Variants in DGKI observed in about 807,000 individuals in gnomAD.
DGKI encodes the protein DAG kinase iota.
A neutral mutation model predicts 147.5 loss-of-function variants in DGKI; 55 were observed. That is an observed-to-expected ratio of 0.37 (90% CI 0.30 to 0.47). The LOEUF (loss-of-function observed/expected upper bound fraction) is 0.47. Ranked by LOEUF, DGKI falls within the 20% of genes least tolerant of loss-of-function variation. DGKI has a pLI of 1.00. For synonymous variants in DGKI, 469 were observed against 477.1 expected, an observed-to-expected ratio of 0.98 and a Z score of 0.22; for missense variants, 1,007 against 1,323.8, an observed-to-expected ratio of 0.76 and a Z score of 3.71.
intron 1 of DGKI, among the ~76,000 whole-genome samples, chr7:137,815,027 C>G (rs1469110105): frequency 6.6e-6 from 1 of 151,302 alleles, no homozygotes; most frequent in African/African-American, 2.4e-5. Context: ...AATAATTACC[C>G]AAAAGATCAG....
chr7:137,391,257 T>C lies in DGKI; in HGVS notation c.3137A>G (p.Lys1046Arg), dbSNP rs2128892155. The part of the protein sequence containing the change: ...AAYLESRQNY[K>R]VIGHEDLETA... ...TTCCAGGTCCTCATGGCCAATGACC[T>C]TATAGTTCTGACGGCTTTCTAGGTA... The change falls in exon 33 of 33, where the codon AAG becomes AGG. Residue 1046 changes from lysine to arginine, a missense_variant. Physicochemically the swap from Lys to Arg is conservative, Grantham distance 26. This residue lies in a region of DGKI where 385 missense variants were observed against 445.2 expected (regional missense o/e 0.86). Coordinates refer to ENST00000614521, the MANE Select transcript of DGKI (RefSeq NM_001321708.2). 7 of 1,613,860 alleles carry C rather than the reference T, an allele frequency of 4.3e-6. No homozygotes were observed. In the East Asian group the frequency reaches 1.6e-4, roughly 36 times the overall value.
intron 20 of DGKI, among the ~76,000 whole-genome samples, chr7:137,548,723 T>G (rs766658672): frequency 6.6e-6 from 1 of 152,186 alleles, no homozygotes; most frequent in Non-Finnish European, 1.5e-5. Flanking sequence ...ATCCCAGCAC[T>G]TTGGGAGGCT....
At chr7:137,410,861 A>T (rs12670144) in intron 29 of DGKI, among the ~76,000 whole-genome samples, 47,148 of 152,124 alleles carry the variant, frequency 0.31, 8,427 homozygotes, top group East Asian at 0.63. Flanking sequence ...AACGGCACTG[A>T]ACTCATCAAT....
At chr7:137,655,898 A>G (rs1042729095) in intron 4 of DGKI, among the ~76,000 whole-genome samples, 14 of 152,200 alleles carry the variant, frequency 9.2e-5, no homozygotes, top group Non-Finnish European at 1.8e-4. Flanking sequence ...CTAAATGACA[A>G]ATAAATGGAC....
intron 1 of DGKI, among the ~76,000 whole-genome samples, chr7:137,816,044 T>G (rs1321039863): frequency 1.3e-5 from 2 of 152,178 alleles, no homozygotes; most frequent in Non-Finnish European, 2.9e-5. Flanking sequence ...AATGAGAGAA[T>G]CCTTTTCATG....
Position 137,587,229 on chromosome 7 carries a change from C to A in DGKI, c.1312-19G>T, listed in dbSNP as rs760733801. The A allele has an allele frequency of 4.5e-6, 7 of 1,569,936 alleles. No individual in the cohort carries two copies. In the South Asian group the frequency reaches 8.1e-5, roughly 18 times the overall value. ...AGCCCACCTACAGGCGTATCGGGGG[C>A]CAGAAGAGATATAAGAAAGATAAAT... On this transcript the variant is annotated intron_variant, in intron 12 of 32. Transcript: ENST00000614521.
chr7:137,625,676 T>C (rs1028978107), intron 6 of DGKI, among the ~76,000 whole-genome samples: 1 of 151,076 alleles, frequency 6.6e-6, no homozygotes, highest in African/African-American at 2.4e-5. Context: ...GGTAGGCAGA[T>C]TGCTTGAGCC....
chr7:137,545,029 T>C (rs1817820230), intron 20 of DGKI, among the ~76,000 whole-genome samples: 1 of 152,176 alleles, frequency 6.6e-6, no homozygotes, highest in Non-Finnish European at 1.5e-5. Context: ...CTATGAATTG[T>C]TAAAAACATG....
At chr7:137,420,279 G>T (rs112577168) in intron 28 of DGKI, among the ~76,000 whole-genome samples, 1 of 152,150 alleles carries the variant, frequency 6.6e-6, no homozygotes, top group Non-Finnish European at 1.5e-5. Flanking sequence ...TGAAGTCCAC[G>T]TTTGCGCATA....
intron 6 of DGKI, among the ~76,000 whole-genome samples, chr7:137,636,521 C>T (rs977359444): frequency 1.3e-5 from 2 of 152,326 alleles, no homozygotes; most frequent in East Asian, 1.9e-4. Flanking sequence ...CCAGATAACT[C>T]TGCTTCAGGC....
chr7:137,608,507 G>A (rs1820257954), intron 10 of DGKI, among the ~76,000 whole-genome samples: 1 of 152,110 alleles, frequency 6.6e-6, no homozygotes, highest in South Asian at 2.1e-4. Flanking sequence ...AATGTTGGTG[G>A]TATTTGGTAG....
At chr7:137,638,159 G>A (rs561876008) in intron 6 of DGKI, among the ~76,000 whole-genome samples, 1 of 152,152 alleles carries the variant, frequency 6.6e-6, no homozygotes, top group African/African-American at 2.4e-5. Flanking sequence ...AGCTCAGCTT[G>A]TAAATATCAG....
intron 19 of DGKI, among the ~76,000 whole-genome samples, chr7:137,564,665 A>G (rs1276219676): frequency 6.6e-6 from 1 of 152,228 alleles, no homozygotes; most frequent in African/African-American, 2.4e-5. Context: ...CCAGAATTTT[A>G]TCTGTATAAA....
intron 31 of DGKI, 52 bp from the exon 32 acceptor site, chr7:137,395,749 G>T: frequency 6.4e-7 from 1 of 1,556,560 alleles, no homozygotes. Context: ...GGAGGCAGCA[G>T]GGAATGGGTG....
intron 19 of DGKI, among the ~76,000 whole-genome samples, chr7:137,555,212 C>A (rs1261602193): frequency 6.6e-6 from 1 of 150,436 alleles, no homozygotes; most frequent in African/African-American, 2.4e-5. Context: ...CTGTGCCTGG[C>A]CAAAATTATT....
chr7:137,457,294 TAAG>T (rs1249564810), intron 27 of DGKI, among the ~76,000 whole-genome samples: 4 of 152,204 alleles, frequency 2.6e-5, no homozygotes, highest in Admixed American at 6.5e-5. Context: ...TGCATCCCAC[TAAG>T]AAGATTAATT....
intron 1 of DGKI, among the ~76,000 whole-genome samples, chr7:137,802,068 AG>A (rs1187628063): frequency 7.9e-5 from 12 of 152,268 alleles, no homozygotes; most frequent in Non-Finnish European, 1.3e-4. Context: ...AGCCACAAAA[AG>A]GAATGAAACA....
chr7:137,396,301 G>A (rs1811550582), intron 31 of DGKI, among the ~76,000 whole-genome samples: 1 of 152,162 alleles, frequency 6.6e-6, no homozygotes, highest in Non-Finnish European at 1.5e-5. Context: ...TGAGACCCTG[G>A]GAGAGTTTGA....
intron 1 of DGKI, among the ~76,000 whole-genome samples, chr7:137,782,377 C>A (rs549082736): frequency 5.9e-5 from 9 of 152,136 alleles, no homozygotes; most frequent in Non-Finnish European, 1.0e-4. Flanking sequence ...CAGCCAAAAT[C>A]CCCCTGGGAA....
Sources: allele counts gnomAD v4.1 joint callset (sites outside exome capture counted in the v4.1 genomes callset), GRCh38; gene constraint gnomAD v4.1.1; regional missense constraint gnomAD v4.1.1; transcripts MANE v1.5; gene names NCBI Gene and HGNC (gene_info 2026-07-23, HGNC 2026-07-21).